HEPHL1: variants seen among roughly 807,000 people sequenced by gnomAD.
HEPHL1 encodes ferroxidase HEPHL1.
Under a neutral mutation model 122.0 loss-of-function variants are expected in HEPHL1, and 123 were observed. The ratio of observed to expected loss-of-function variants is 1.01; its 90% CI spans 0.87 to 1.17. The LOEUF is 1.17. HEPHL1 is among the 50% of genes most tolerant of loss of function. The probability of loss-of-function intolerance (pLI) is 0.00; values close to 1 mark genes in which losing one functional copy is unlikely to be tolerated. For missense variants in HEPHL1, 1,452 were observed against 1,430.5 expected (o/e 1.01, Z -0.24); for synonymous variants, 527 against 508.9 (o/e 1.04, Z -0.48).
At chr11:94,086,780 C>T (rs1946221955) in intron 11 of HEPHL1, among the ~76,000 whole-genome samples, 1 of 152,174 alleles carries the variant, frequency 6.6e-6, no homozygotes, top group South Asian at 2.1e-4. Context: ...CTTAGAGATT[C>T]CAAGCTAATG....
At chr11:94,053,095 C>G (rs964051213) in intron 2 of HEPHL1, among the ~76,000 whole-genome samples, 2 of 151,878 alleles carry the variant, frequency 1.3e-5, no homozygotes, top group Non-Finnish European at 2.9e-5. Flanking sequence ...AACCACTGGA[C>G]CTGAATTTAC....
chr11:94,044,259 G>A (rs186550284), intron 1 of HEPHL1, among the ~76,000 whole-genome samples: 32 of 152,136 alleles, frequency 2.1e-4, no homozygotes, highest in Admixed American at 1.8e-3. Context: ...CCCCAGGAAG[G>A]CATCTGGTCA....
At chr11:94,096,631 G>A (rs188981190) in intron 13 of HEPHL1, among the ~76,000 whole-genome samples, 13 of 152,286 alleles carry the variant, frequency 8.5e-5, no homozygotes, top group South Asian at 6.2e-4. Context: ...GAATTCGGCT[G>A]TAAATATGTC....
intron 11 of HEPHL1, among the ~76,000 whole-genome samples, chr11:94,086,517 C>T (rs894871263): frequency 6.6e-6 from 1 of 152,190 alleles, no homozygotes; most frequent in African/African-American, 2.4e-5. Context: ...TCTCATTGAG[C>T]ATGAACATAA....
Position 94,111,689 on chromosome 11 carries a change from CAGA to C in HEPHL1, c.3278-1_3279del. On this transcript the variant is annotated splice_acceptor_variant and coding_sequence_variant, in exon 20 of 20. Transcript: ENST00000315765. LOFTEE classifies it high-confidence loss of function. ...GGGCCTGACAAGTTTATCTTTTTCA[CAGA>C]ACGACCTGGCAAAGAGCAGCTCTAT... The C allele has an allele frequency of 6.2e-7, 1 of 1,612,680 alleles. No individual in the cohort carries two copies. The highest frequency in any genetic ancestry group is 1.1e-5 in the South Asian group (1 of 90,900).
chr11:94,108,889 A>G lies in HEPHL1; in HGVS notation c.3046-2014A>G, dbSNP rs1434258236. On this transcript the variant is annotated intron_variant, in intron 17 of 19. Transcript: ENST00000315765. The stretch of plus-strand genomic sequence containing the variant: ...GATAAATTTTAGAAATAATTTGTTG[A>G]TTTTGATTTTTAAAATCCTGTTGGG... Among the ~76,000 whole-genome samples the G allele has an allele frequency of 2.0e-5, 3 of 151,952 alleles. No homozygotes were observed. The East Asian group carries it at 5.8e-4, about 29-fold the overall frequency.
intron 1 of HEPHL1, among the ~76,000 whole-genome samples, chr11:94,030,093 T>C (rs1226768553): frequency 6.6e-6 from 1 of 152,206 alleles, no homozygotes; most frequent in Non-Finnish European, 1.5e-5. Flanking sequence ...TCCTTCCCTA[T>C]AGGGCCTGTT....
At chr11:94,073,277 C>T in intron 7 of HEPHL1, 31 bp from the exon 8 acceptor site, 1 of 1,608,038 alleles carries the variant, frequency 6.2e-7, no homozygotes, top group African/African-American at 1.3e-5. Flanking sequence ...TTTTCATTCT[C>T]TTCTCTCTCT....
At chr11:94,045,304 A>G (rs747841670) in intron 1 of HEPHL1, among the ~76,000 whole-genome samples, 1 of 152,220 alleles carries the variant, frequency 6.6e-6, no homozygotes, top group Non-Finnish European at 1.5e-5. Context: ...TTGATTACAA[A>G]CTTTTGTACA....
rs1280952321 is a variant in HEPHL1, at chr11:94,073,404, A to ATGACAAGGC, written c.1470_1478dup (p.Asp491_Ala493dup). 1 of 1,559,492 alleles carries ATGACAAGGC rather than the reference A, an allele frequency of 6.4e-7. No homozygotes were observed. The highest frequency in any genetic ancestry group is 8.7e-7 in the Non-Finnish European group (1 of 1,150,654). On this transcript the variant is annotated inframe_insertion, in exon 8 of 20. Transcript: ENST00000315765. ...AGCATTTTACCCCATGGTGTGATCT[A>ATGACAAGGC]TGACAAGGCATCTGATGCAGCCCCA...
intron 16 of HEPHL1, among the ~76,000 whole-genome samples, chr11:94,105,030 AATC>A (rs1267678972): frequency 4.2e-4 from 64 of 152,340 alleles, no homozygotes; most frequent in African/African-American, 1.4e-3. Flanking sequence ...TTTAAAAACA[AATC>A]ATCATTTATT....
At chr11:94,048,882 A>G (rs1591468704) in intron 2 of HEPHL1, among the ~76,000 whole-genome samples, 1 of 152,074 alleles carries the variant, frequency 6.6e-6, no homozygotes. Flanking sequence ...GCACTTTGGG[A>G]GGCCGAGGTG....
rs7941390 is a variant in HEPHL1, at chr11:94,107,241, G to A, written c.3045+1111G>A. 4.0e-3 allele frequency among the ~76,000 whole-genome samples: 615 copies of A among 152,212 alleles called. 5 individuals carry two copies. The highest frequency in any genetic ancestry group is 0.014 in the African/African-American group (583 of 41,518). ...TCCTTTCTCCTTTGTATATTTCAAC[G>A]TTGTTTACGACACCAAGTATTAGCC... On this transcript the variant is annotated intron_variant, in intron 17 of 19. Coordinates refer to ENST00000315765, the MANE Select transcript of HEPHL1 (RefSeq NM_001098672.2).
intron 1 of HEPHL1, among the ~76,000 whole-genome samples, chr11:94,035,963 C>G (rs1945718120): frequency 6.6e-6 from 1 of 152,204 alleles, no homozygotes; most frequent in Admixed American, 6.5e-5. Context: ...GTCTCGATCT[C>G]CTGACCTCGT....
At chr11:94,030,675 A>C (rs1299071466) in intron 1 of HEPHL1, among the ~76,000 whole-genome samples, 4 of 152,226 alleles carry the variant, frequency 2.6e-5, no homozygotes, top group Non-Finnish European at 4.4e-5. Flanking sequence ...ATGTCACATG[A>C]CTATTCCAAG....
chr11:94,043,705 T>C (rs1945807841), intron 1 of HEPHL1, among the ~76,000 whole-genome samples: 1 of 151,868 alleles, frequency 6.6e-6, no homozygotes, highest in Non-Finnish European at 1.5e-5. Context: ...CAACTTTTTC[T>C]ATTTTTTTTT....
rs1465473418 is a variant in HEPHL1 at position 94,067,506 on chromosome 11, A to C, written c.819A>C (p.Gly273=). The change falls in exon 5 of 20, where the codon GGA becomes GGC. Residue 273 remains glycine, a synonymous_variant. Coordinates refer to ENST00000315765, the MANE Select transcript of HEPHL1 (RefSeq NM_001098672.2). ...TGTTTCTGTTTCCAGCCCTCAATGGATACCTCTTCGGAAACTTCCCGGAGC... is the reference window on the plus strand; with the variant it reads ...TGTTTCTGTTTCCAGCCCTCAATGGCTACCTCTTCGGAAACTTCCCGGAGC... ...QRSNKMHALN[G]YLFGNFPEPD... The C allele has an allele frequency of 1.6e-5, 26 of 1,613,306 alleles. No homozygotes were observed. Among genetic ancestry groups the C allele is most frequent in the Non-Finnish European group, 2.1e-5 (25 of 1,179,516 alleles).
At position 94,086,174 on chromosome 11, in the gene HEPHL1, C is replaced by T. The variant is rs1410880380; in HGVS notation, c.2065C>T (p.Gln689Ter). Residue 689 changes from glutamine to a stop codon, truncating the protein, a stop_gained, in exon 11 of 20, where the codon CAG becomes TAG. Coordinates refer to ENST00000315765, the MANE Select transcript of HEPHL1 (RefSeq NM_001098672.2). LOFTEE classifies it high-confidence loss of function. The part of the protein sequence containing the change: ...FPHMATTAFM[Q>*]PDHAGIFRVF... ...CCACATGGCCACAACAGCATTCATG[C>T]AGCCAGACCATGCAGGTAAACTTGC... 5.6e-6 allele frequency: 9 copies of T among 1,610,486 alleles called. No homozygotes were observed. The highest frequency in any genetic ancestry group is 1.1e-5 in the South Asian group (1 of 90,266).
intron 10 of HEPHL1, among the ~76,000 whole-genome samples, chr11:94,085,157 C>A (rs540277012): frequency 6.6e-6 from 1 of 152,100 alleles, no homozygotes; most frequent in Admixed American, 6.5e-5. Flanking sequence ...TCAGACATTG[C>A]GTTATATCAT....
Sources: allele counts gnomAD v4.1 joint callset (sites outside exome capture counted in the v4.1 genomes callset), GRCh38; gene constraint gnomAD v4.1.1; transcripts MANE v1.5; gene names NCBI Gene and HGNC (gene_info 2026-07-23, HGNC 2026-07-21).